The following DST variants were observed in gnomAD, a reference collection of about 807,000 sequenced individuals.
DST encodes the protein bullous pemphigoid antigen.
A neutral mutation model predicts 875.2 loss-of-function variants in DST; 253 were observed. That is an observed-to-expected ratio of 0.29 (90% confidence interval 0.26 to 0.32). DST has a LOEUF of 0.32. Ranked by LOEUF, DST falls within the 10% of genes least tolerant of loss-of-function variation. The pLI, the probability that DST is intolerant of heterozygous loss-of-function variation, is 1.00. For missense variants in DST, 8,287 were observed against 9,111.6 expected (o/e 0.91, Z 3.68); for synonymous variants, 3,124 against 3,197.1 (o/e 0.98, Z 0.77).
chr6:56,941,645 C>T (rs1403400199), intron 2 of DST, among the ~76,000 whole-genome samples: 8 of 152,096 alleles, frequency 5.3e-5, no homozygotes, highest in Non-Finnish European at 8.8e-5. Flanking sequence ...CTAAGCTTGG[C>T]TAATTTTTGT....
At chr6:56,517,877 T>C (rs1477288326) in intron 69 of DST, among the ~76,000 whole-genome samples, 3 of 152,176 alleles carry the variant, frequency 2.0e-5, no homozygotes, top group Admixed American at 6.6e-5. Flanking sequence ...GCTAGCACTA[T>C]TGCCTTCTTT....
chr6:56,460,938 T>A (rs138677978), intron 102 of DST: 1 of 150,738 alleles, frequency 6.6e-6, no homozygotes, highest in Non-Finnish European at 1.5e-5. Flanking sequence ...TCTAAAACAA[T>A]CATAAGTATG....
At position 56,800,944 on chromosome 6, in the gene DST, C is replaced by A. The variant is rs562771829; in HGVS notation, c.625+50453G>T. On this transcript the variant is annotated intron_variant, in intron 4 of 103. Coordinates refer to ENST00000680361, the MANE Select transcript of DST (RefSeq NM_001374736.1). Reference sequence around the variant, plus strand: ...CTGAAATGGGAGGATCACCTGAGCCCAGGAACTCAAGGCTACAGTAAGCCA... The same window carrying A: ...CTGAAATGGGAGGATCACCTGAGCCAAGGAACTCAAGGCTACAGTAAGCCA... Among the ~76,000 whole-genome samples the A allele has an allele frequency of 5.1e-4, 75 of 147,632 alleles. 1 individual carries two copies. The highest frequency in any genetic ancestry group is 3.6e-3 in the Middle Eastern group (1 of 278).
intron 44 of DST, 140 bp from the exon 45 acceptor site, chr6:56,600,361 G>C (rs2098435113): frequency 1.4e-6 from 1 of 720,072 alleles, no homozygotes. Context: ...ATAGCAGTAG[G>C]GTACAAACTG....
intron 36 of DST, chr6:56,616,842 G>C (rs1161519208): frequency 5.6e-6 from 9 of 1,614,004 alleles, no homozygotes; most frequent in Non-Finnish European, 6.8e-6. Flanking sequence ...TCTGCCTCAA[G>C]AAGCCTAATT....
At position 56,607,169 on chromosome 6, in the gene DST, G is replaced by A. The variant is rs559852499; in HGVS notation, c.7459C>T (p.Gln2487Ter). 6.2e-7 allele frequency: 1 copy of A among 1,613,386 alleles called. No individual in the cohort carries two copies. The highest frequency in any genetic ancestry group is 1.1e-5 in the South Asian group (1 of 91,062). Residue 2487 changes from glutamine to a stop codon, truncating the protein, a stop_gained, in exon 40 of 104, where the codon CAA becomes TAA. Transcript: ENST00000680361. LOFTEE classifies it high-confidence loss of function. ...LSGQRIGEKF[Q>*]DQFLGIAAIN... is the part of the protein sequence containing the mutation. The stretch of plus-strand genomic sequence containing the variant: ...GCTGCAATTCCCAGAAACTGGTCTT[G>A]AAATTTTTCTCCTATTCTTTGACCT...
rs373876039 is a variant in DST, at chr6:56,517,537, C to T, written c.18213G>A (p.Glu6071=). The T allele has an allele frequency of 3.1e-6, 5 of 1,613,226 alleles. No homozygotes were observed. The highest frequency in any genetic ancestry group is 4.2e-6 in the Non-Finnish European group (5 of 1,179,556). Residue 6071 remains glutamate, a synonymous_variant, in exon 70 of 104, where the codon GAG becomes GAA. Coordinates refer to ENST00000680361, the MANE Select transcript of DST (RefSeq NM_001374736.1). ...KLMSLGDIRL[E]QDQTSAQLQV... Reference sequence around the variant, plus strand: ...GAAGCTGAGCAGAAGTCTGGTCTTGCTCAAGCCTGATGTCACCCAGAGACA... The same window carrying T: ...GAAGCTGAGCAGAAGTCTGGTCTTGTTCAAGCCTGATGTCACCCAGAGACA...
At chr6:56,951,953 T>G (rs1373917832) in intron 2 of DST, among the ~76,000 whole-genome samples, 3 of 152,198 alleles carry the variant, frequency 2.0e-5, no homozygotes, top group Non-Finnish European at 2.9e-5. Flanking sequence ...TTTCAGGAAC[T>G]AGCACCCACT....
chr6:56,543,256 C>G (rs112651859), intron 61 of DST, among the ~76,000 whole-genome samples: 365 of 152,322 alleles, frequency 2.4e-3, no homozygotes, highest in African/African-American at 8.7e-3. Flanking sequence ...GATGCTTCAG[C>G]AGTATCTGCG....
At chr6:56,620,083 CAAT>C in intron 36 of DST, 1 of 1,613,602 alleles carries the variant, frequency 6.2e-7, no homozygotes, top group East Asian at 2.2e-5. Flanking sequence ...TTCTTGCTTC[CAAT>C]TCAATTTTCT....
intron 4 of DST, among the ~76,000 whole-genome samples, chr6:56,836,622 G>A (rs1048215207): frequency 2.6e-5 from 4 of 151,802 alleles, no homozygotes; most frequent in Non-Finnish European, 5.9e-5. Context: ...AGGCCGAGGC[G>A]GGCGGATCAC....
chr6:56,703,426 T>C (rs374598578), intron 7 of DST, among the ~76,000 whole-genome samples: 10 of 152,304 alleles, frequency 6.6e-5, no homozygotes, highest in Admixed American at 3.9e-4. Context: ...TGCACAGTAA[T>C]GTATAAATAA....
Position 56,606,779 on chromosome 6 carries a change from AG to A in DST, c.7848del (p.Leu2617CysfsTer63). The A allele has an allele frequency of 6.2e-7, 1 of 1,613,316 alleles. No individual in the cohort carries two copies. The highest frequency in any genetic ancestry group is 1.3e-5 in the African/African-American group (1 of 75,010). On this transcript the variant is annotated frameshift_variant, in exon 40 of 104. Coordinates refer to ENST00000680361, the MANE Select transcript of DST (RefSeq NM_001374736.1). LOFTEE classifies it high-confidence loss of function. ...TDSDDDFYDT[P>X]LFEDDDHDSL... is the part of the protein sequence containing the mutation. ...GAATCATGGTCATCATCTTCAAACAAGGGAGTATCATAAAAATCATCATCAC... is the reference window on the plus strand; with the variant it reads ...GAATCATGGTCATCATCTTCAAACAAGGAGTATCATAAAAATCATCATCAC...
intron 36 of DST, chr6:56,617,508 TA>T: frequency 1.6e-6 from 2 of 1,222,898 alleles, no homozygotes; most frequent in Non-Finnish European, 2.4e-6. Context: ...TTCTTTGAAT[TA>T]CAAAGACAAG....
At chr6:56,539,759 A>C (rs1385643612) in intron 61 of DST, among the ~76,000 whole-genome samples, 1 of 152,206 alleles carries the variant, frequency 6.6e-6, no homozygotes, top group Admixed American at 6.5e-5. Flanking sequence ...ATGCCTGCAA[A>C]GTACAGCATA....
intron 49 of DST, among the ~76,000 whole-genome samples, 158 bp from the exon 50 acceptor site, chr6:56,579,095 T>C (rs989948685): frequency 1.3e-5 from 2 of 152,240 alleles, no homozygotes; most frequent in African/African-American, 4.8e-5. Context: ...GTTCTTCGAA[T>C]AAGGCCAGTT....
intron 36 of DST, among the ~76,000 whole-genome samples, chr6:56,622,445 A>AGGCGCCT (rs1322405077): frequency 6.6e-6 from 1 of 151,678 alleles, no homozygotes; most frequent in Non-Finnish European, 1.5e-5. Flanking sequence ...GGCAGGCGGC[A>AGGCGCCT]GGCGCCTGTA....
intron 4 of DST, among the ~76,000 whole-genome samples, chr6:56,824,964 C>T (rs1477900152): frequency 6.6e-6 from 1 of 150,658 alleles, no homozygotes; most frequent in Non-Finnish European, 1.5e-5. Flanking sequence ...AGTGAGGAGC[C>T]CCTCTGCCCG....
At position 56,642,016 on chromosome 6, in the gene DST, C is replaced by T. The variant is rs751086390; in HGVS notation, c.1958G>A (p.Arg653His). 11 of 1,612,670 alleles carry T rather than the reference C, an allele frequency of 6.8e-6. No individual in the cohort carries two copies. The East Asian group carries it at 8.9e-5, about 13-fold the overall frequency. The change falls in exon 17 of 104, where the codon CGC becomes CAC. Residue 653 changes from arginine to histidine, a missense_variant. Physicochemically the swap from Arg to His is conservative, Grantham distance 29 (BLOSUM62 0). Transcript: ENST00000680361. ...AATCTGTACATCAATTACATGCTGG[C>T]GTAAAAGGTTCTCACATTCAAGTAT... ...GYILECENLL[R>H]QHVIDVQILI...
Sources: gnomAD v4.1 joint callset for allele counts (sites outside exome capture counted in the v4.1 genomes callset) on GRCh38, gnomAD v4.1.1 for gene constraint, MANE v1.5 for transcripts, NCBI Gene and HGNC (gene_info 2026-07-23, HGNC 2026-07-21) for gene names.